The following MLKL variants were observed in gnomAD, a reference collection of about 807,000 sequenced individuals.
MLKL encodes mixed lineage kinase domain like pseudokinase, also known as mixed lineage kinase domain-like protein.
MLKL carries 55 observed loss-of-function variants against 56.5 expected under a neutral mutation model. That is an observed-to-expected ratio of 0.97 (90% CI 0.78 to 1.22). The LOEUF (loss-of-function observed/expected upper bound fraction) is 1.22. Among genes scored for constraint, MLKL ranks in the 50% most tolerant of loss-of-function variants. The pLI is 0.00. For missense variants in MLKL, 694 were observed against 573.9 expected (o/e 1.21, Z -2.14); for synonymous variants, 251 against 208.3 (o/e 1.20, Z -1.76).
intron 4 of MLKL, among the ~76,000 whole-genome samples, chr16:74,686,349 G>A (rs57818299): frequency 7.2e-5 from 11 of 152,200 alleles, no homozygotes; most frequent in East Asian, 1.9e-4. Context: ...TTGGGAGGCC[G>A]AGGCAGGTGG....
chr16:74,690,218 A>G (rs1488719751), intron 4 of MLKL, among the ~76,000 whole-genome samples: 4 of 152,264 alleles, frequency 2.6e-5, no homozygotes, highest in South Asian at 2.1e-4. Context: ...ACTACAAGAT[A>G]TTGATCACTT....
At chr16:74,698,879 C>T (rs1231643563) in intron 1 of MLKL, among the ~76,000 whole-genome samples, 3 of 152,114 alleles carry the variant, frequency 2.0e-5, no homozygotes, top group South Asian at 2.1e-4. Context: ...TTTGGAAGGC[C>T]GAGGCAGGTG....
In MLKL at chr16:74,692,373, G is replaced by A. The variant is rs771330406; in HGVS notation, c.504C>T (p.Asn168=). 2 of 1,613,532 alleles carry A rather than the reference G, an allele frequency of 1.2e-6. No individual in the cohort carries two copies. Among genetic ancestry groups the A allele is most frequent in the East Asian group, 2.2e-5 (1 of 44,878 alleles). ...TCAAAGTTTCCTTGATTTCTTTCAT[G>A]TTGATTTCTAATCGTCTCAGTGAAG... ...IEASLRRLEI[N]MKEIKETLRQ... Residue 168 remains asparagine (N), a synonymous_variant, in exon 3 of 11, where the codon AAC becomes AAT. Coordinates refer to ENST00000308807, the MANE Select transcript of MLKL (RefSeq NM_152649.4).
chr16:74,696,273 T>G (rs1365602250), intron 1 of MLKL, among the ~76,000 whole-genome samples: 2 of 152,156 alleles, frequency 1.3e-5, no homozygotes, highest in African/African-American at 4.8e-5. Context: ...CCGTTAATAT[T>G]TTCAGGTTGA....
At chr16:74,691,605 G>C in intron 3 of MLKL, 142 bp from the exon 4 acceptor site, 1 of 899,190 alleles carries the variant, frequency 1.1e-6, no homozygotes, top group South Asian at 1.7e-5. Context: ...GGCTTCTGAT[G>C]GACTCAGCCC....
chr16:74,682,607 C>G, intron 6 of MLKL, 44 bp downstream of exon 6: 1 of 1,608,594 alleles, frequency 6.2e-7, no homozygotes, highest in Non-Finnish European at 8.5e-7. Flanking sequence ...GGAGTGTGGA[C>G]AGACCCATCC....
rs1291856142 is a variant in MLKL, at chr16:74,691,401, G to C, written c.598C>G (p.Gln200Glu). ...AGAATCCACGGGGATCCTGAAAGCT[G>C]CTCCTTCTTGATCTCCTTGATTTGC... ...QEQIKEIKKEQLSGSPWILLR... is the reference protein window; with the variant it reads ...QEQIKEIKKEELSGSPWILLR... Residue 200 changes from glutamine (Q) to glutamate (E), a missense_variant, in exon 4 of 11, where the codon CAG becomes GAG. Coordinates refer to ENST00000308807, the MANE Select transcript of MLKL (RefSeq NM_152649.4). 1.2e-6 allele frequency: 2 copies of C among 1,614,096 alleles called. No homozygotes were observed. Among genetic ancestry groups the C allele is most frequent in the Admixed American group, 1.7e-5 (1 of 60,010 alleles).
intron 2 of MLKL, among the ~76,000 whole-genome samples, 162 bp from the exon 3 acceptor site, chr16:74,692,578 G>A (rs1960740608): frequency 1.3e-5 from 2 of 152,200 alleles, no homozygotes; most frequent in Admixed American, 1.3e-4. Context: ...TTCTACTTCT[G>A]AGCACATAGG....
rs1960974116 is a variant in MLKL, at chr16:74,695,504, A to T, written c.254T>A (p.Ile85Asn). The change falls in exon 2 of 11, where the codon ATC (isoleucine) becomes AAC (asparagine). Residue 85 changes from isoleucine (I) to asparagine (N), a missense_variant. Physicochemically the swap from Ile to Asn is moderately radical, Grantham distance 149 (BLOSUM62 -3). Coordinates refer to ENST00000308807, the MANE Select transcript of MLKL (RefSeq NM_152649.4). ...CTGGCTTGCTGTTAGAAACCTGCAG[A>T]TATTGGATCTATTGCTGAACTTTTC... ...EIEKFSNRSN[I>N]CRFLTASQDK... 1.2e-6 allele frequency: 2 copies of T among 1,613,974 alleles called. No homozygotes were observed. Among genetic ancestry groups the T allele is most frequent in the Non-Finnish European group, 1.7e-6 (2 of 1,180,034 alleles).
intron 1 of MLKL, among the ~76,000 whole-genome samples, chr16:74,699,396 G>T (rs1229152688): frequency 6.6e-6 from 1 of 152,120 alleles, no homozygotes; most frequent in African/African-American, 2.4e-5. Flanking sequence ...TTGCCTGTAT[G>T]AAATTAAAAT....
At position 74,675,365 on chromosome 16, in the gene MLKL, G is replaced by T. The variant is rs55867815; in HGVS notation, c.1230C>A (p.Ile410=). ...IVLWEIATGD[I]PFQGCNSEKI... ...CTTCACATTCTTCACCTTGAAACGG[G>T]ATATCTCCAGTGGCGATTTCCCAGA... Residue 410 remains isoleucine, a synonymous_variant, in exon 9 of 11, where the codon ATC becomes ATA. Transcript: ENST00000308807. The T allele has an allele frequency of 1.9e-4, 302 of 1,614,094 alleles. 1 individual carries two copies. The East Asian group carries it at 6.5e-3, about 35-fold the overall frequency.
chr16:74,674,156 C>CTTTT (rs11408099), intron 10 of MLKL, among the ~76,000 whole-genome samples: 2 of 138,520 alleles, frequency 1.4e-5, no homozygotes, highest in South Asian at 2.3e-4. Flanking sequence ...GAATAGCATT[C>CTTTT]TTTTTTTTTT....
In MLKL at chr16:74,675,607, G is replaced by C. The variant is rs772630477; in HGVS notation, c.1190+6C>G. 1.9e-6 allele frequency: 3 copies of C among 1,611,806 alleles called. No homozygotes were observed. Among genetic ancestry groups the C allele is most frequent in the African/African-American group, 2.7e-5 (2 of 74,906 alleles). ...AGTTAGAATCTGTACCAGAACGTGA[G>C]TGTACCTGTATATTTCAGACTTTAC... On this transcript the variant is annotated splice_donor_region_variant and intron_variant, in intron 8 of 10. Coordinates refer to ENST00000308807, the MANE Select transcript of MLKL (RefSeq NM_152649.4).
At chr16:74,691,556 G>A in intron 3 of MLKL, 93 bp from the exon 4 acceptor site, 2 of 1,367,228 alleles carry the variant, frequency 1.5e-6, no homozygotes, top group Non-Finnish European at 2.0e-6. Context: ...TGTGTGAGTG[G>A]GAAGCTCTAC....
chr16:74,685,226 C>T (rs991727912), intron 5 of MLKL, among the ~76,000 whole-genome samples: 9 of 152,120 alleles, frequency 5.9e-5, no homozygotes, highest in African/African-American at 2.2e-4. Context: ...TAAACATGCA[C>T]CCCCTTATTT....
rs1181925961 is a variant in MLKL at position 74,672,272 on chromosome 16, A to C, written c.*232T>G. 8.8e-6 allele frequency: 4 copies of C among 456,282 alleles called. No homozygotes were observed. The highest frequency in any genetic ancestry group is 1.6e-5 in the Non-Finnish European group (4 of 253,016). The allele number at this position is 456,282 out of a possible 1,614,324, so 28.3% of individuals were successfully genotyped here. On this transcript the variant is annotated 3_prime_UTR_variant, in exon 11 of 11. Transcript: ENST00000308807. ...GAGGTGTGGATACCCAGAAAGATAC[A>C]TTTGACAAACCATCTATCAAAGTTA...
intron 2 of MLKL, among the ~76,000 whole-genome samples, chr16:74,692,621 T>C (rs1389818912): frequency 6.6e-6 from 1 of 152,224 alleles, no homozygotes; most frequent in Admixed American, 6.5e-5. Context: ...GTAACTTGCT[T>C]TGGCTAAGAA....
chr16:74,697,931 T>G (rs541513157), intron 1 of MLKL, among the ~76,000 whole-genome samples: 1 of 152,074 alleles, frequency 6.6e-6, no homozygotes, highest in Non-Finnish European at 1.5e-5. Context: ...TAGGGTAGGG[T>G]GTCATGACTC....
At chr16:74,699,727 G>C (rs1297293415) in intron 1 of MLKL, among the ~76,000 whole-genome samples, 1 of 152,176 alleles carries the variant, frequency 6.6e-6, no homozygotes, top group African/African-American at 2.4e-5. Context: ...CTGAGCCCAG[G>C]AGTTTGAGAC....
Sources: allele counts gnomAD v4.1 joint callset (sites outside exome capture counted in the v4.1 genomes callset), GRCh38; gene constraint gnomAD v4.1.1; transcripts MANE v1.5; gene names NCBI Gene and HGNC (gene_info 2026-07-23, HGNC 2026-07-21).